Variants in FHIT observed in about 807,000 individuals in gnomAD.
The protein encoded by FHIT is bis(5'-adenosyl)-triphosphatase.
FHIT carries 19 observed loss-of-function variants against 17.9 expected under a neutral mutation model. The ratio of observed to expected loss-of-function variants is 1.06; its 90% confidence interval spans 0.74 to 1.56. The LOEUF (loss-of-function observed/expected upper bound fraction) is 1.56, where lower values mean the gene tolerates loss of function less well. Among genes scored for constraint, FHIT ranks in the 40% most tolerant of loss-of-function variants. The probability of loss-of-function intolerance (pLI) is 0.00; values close to 1 mark genes in which losing one functional copy is unlikely to be tolerated. For synonymous variants in FHIT, 81 were observed against 69.7 expected (o/e 1.16, Z -0.81); for missense variants, 248 against 189.2 (o/e 1.31, Z -1.82).
At chr3:61,157,033 C>T (rs1415487456) in intron 2 of FHIT, among the ~76,000 whole-genome samples, 2 of 152,126 alleles carry the variant, frequency 1.3e-5, no homozygotes. Context: ...TGATTCTTCA[C>T]CTGAATTTTT....
intron 4 of FHIT, among the ~76,000 whole-genome samples, chr3:60,591,289 C>CTACA (rs71287132): frequency 0.14 from 21,214 of 152,036 alleles, 1,871 homozygotes; most frequent in Non-Finnish European, 0.2. Flanking sequence ...TCTCATTAAA[C>CTACA]TACAGCATGA....
At chr3:59,915,976 A>C (rs1408855129) in intron 8 of FHIT, among the ~76,000 whole-genome samples, 3 of 151,956 alleles carry the variant, frequency 2.0e-5, no homozygotes, top group African/African-American at 4.8e-5. Flanking sequence ...ACTAACCTGA[A>C]TCATATATTG....
intron 5 of FHIT, among the ~76,000 whole-genome samples, chr3:60,109,748 C>G (rs1366526195): frequency 6.6e-6 from 1 of 152,146 alleles, no homozygotes; most frequent in Non-Finnish European, 1.5e-5. Context: ...ATGTTCTTAG[C>G]TTTGCCTGCT....
At chr3:60,665,587 G>A (rs1408254065) in intron 4 of FHIT, among the ~76,000 whole-genome samples, 1 of 151,736 alleles carries the variant, frequency 6.6e-6, no homozygotes, top group Non-Finnish European at 1.5e-5. Flanking sequence ...ACTAGTATAA[G>A]CACTCCTGTT....
intron 4 of FHIT, among the ~76,000 whole-genome samples, chr3:60,709,222 T>C (rs1402340246): frequency 2.6e-5 from 4 of 152,202 alleles, no homozygotes; most frequent in African/African-American, 9.6e-5. Flanking sequence ...CATGTAAATA[T>C]ACATATTTTC....
chr3:60,749,484 A>G (rs2042424973), intron 4 of FHIT, among the ~76,000 whole-genome samples: 1 of 152,140 alleles, frequency 6.6e-6, no homozygotes, highest in Non-Finnish European at 1.5e-5. Context: ...CCCTACTGTG[A>G]GAGAAGACAC....
intron 5 of FHIT, among the ~76,000 whole-genome samples, chr3:60,375,613 A>G (rs187198888): frequency 1.1e-3 from 160 of 152,224 alleles, no homozygotes; most frequent in Non-Finnish European, 1.9e-3. Context: ...ATACTACTAT[A>G]CCATTTTAAA....
chr3:60,588,582 G>A (rs2037980783), intron 4 of FHIT, among the ~76,000 whole-genome samples: 1 of 152,034 alleles, frequency 6.6e-6, no homozygotes, highest in South Asian at 2.1e-4. Context: ...CAGACCAACT[G>A]ATTCAGAACC....
At position 59,923,221 on chromosome 3, in the gene FHIT, C is replaced by CAAAAA. The variant is rs532237239; in HGVS notation, c.280-812_280-808dup. On this transcript the variant is annotated intron_variant, in intron 7 of 9. Coordinates refer to ENST00000492590, the MANE Select transcript of FHIT (RefSeq NM_002012.4). ...GCCTGGGCGACAGAGCGAGACTCCT[C>CAAAAA]AAAAAAAAAAAAAAAAAAAAAAAAA... is the stretch of plus-strand genomic sequence containing the variant. Among the ~76,000 whole-genome samples the CAAAAA allele has an allele frequency of 5.6e-4, 38 of 67,484 alleles. 1 individual carries two copies. The highest frequency in any genetic ancestry group is 2.0e-3 in the African/African-American group (31 of 15,754). The allele number at this position is 67,484 out of a possible 152,430, so 44.3% of individuals were successfully genotyped here. A position where few individuals can be genotyped will look rare whatever the true frequency, so the allele number is the denominator to read the frequency against.
chr3:60,451,025 T>G (rs1339997908), intron 5 of FHIT, among the ~76,000 whole-genome samples: 1 of 152,170 alleles, frequency 6.6e-6, no homozygotes, highest in Non-Finnish European at 1.5e-5. Context: ...TAATGAAAAC[T>G]TGTTTTTAGG....
At chr3:60,088,871 C>A (rs1275361718) in intron 5 of FHIT, among the ~76,000 whole-genome samples, 1 of 152,174 alleles carries the variant, frequency 6.6e-6, no homozygotes, top group African/African-American at 2.4e-5. Flanking sequence ...GTGCCTGACA[C>A]ATGGTAGGTA....
intron 2 of FHIT, among the ~76,000 whole-genome samples, chr3:61,192,623 C>T (rs1398397051): frequency 6.6e-6 from 1 of 152,192 alleles, no homozygotes; most frequent in African/African-American, 2.4e-5. Flanking sequence ...CAGCCAAAGG[C>T]ATCTTCGGTG....
At chr3:60,348,043 G>A (rs1710885549) in intron 5 of FHIT, among the ~76,000 whole-genome samples, 1 of 152,022 alleles carries the variant, frequency 6.6e-6, no homozygotes, top group African/African-American at 2.4e-5. Flanking sequence ...ACAGGTGTGA[G>A]CCACCACACC....
intron 8 of FHIT, among the ~76,000 whole-genome samples, chr3:59,870,369 G>T (rs145234224): frequency 3.0e-4 from 46 of 152,274 alleles, no homozygotes; most frequent in African/African-American, 1.1e-3. Flanking sequence ...AAAAGCTCAG[G>T]TAGTCTCATA....
intron 4 of FHIT, among the ~76,000 whole-genome samples, chr3:60,595,365 C>T (rs1553665878): frequency 7.2e-6 from 1 of 137,946 alleles, no homozygotes; most frequent in Admixed American, 7.3e-5. Context: ...CTGAGGACAC[C>T]ATGTTAGTCT....
At chr3:60,641,869 A>T (rs2039732996) in intron 4 of FHIT, among the ~76,000 whole-genome samples, 1 of 152,106 alleles carries the variant, frequency 6.6e-6, no homozygotes, top group Non-Finnish European at 1.5e-5. Context: ...GTTGGGTTAC[A>T]AGGTAAGGAT....
At chr3:60,354,824 C>G (rs935722561) in intron 5 of FHIT, among the ~76,000 whole-genome samples, 1 of 152,038 alleles carries the variant, frequency 6.6e-6, no homozygotes, top group Non-Finnish European at 1.5e-5. Flanking sequence ...TCTTGTTATT[C>G]TTTAGTATTT....
At chr3:60,707,160 G>A (rs1553703770) in intron 4 of FHIT, among the ~76,000 whole-genome samples, 1 of 152,156 alleles carries the variant, frequency 6.6e-6, no homozygotes, top group Admixed American at 6.5e-5. Flanking sequence ...TAGGAAACGA[G>A]TCCCTTTAGT....
intron 5 of FHIT, among the ~76,000 whole-genome samples, chr3:60,137,323 G>C (rs953728413): frequency 1.3e-5 from 2 of 152,156 alleles, no homozygotes; most frequent in African/African-American, 4.8e-5. Flanking sequence ...AGGGGAGGCG[G>C]GGTGAGAGTC....
Sources: gnomAD v4.1 joint callset for allele counts (sites outside exome capture counted in the v4.1 genomes callset) on GRCh38, gnomAD v4.1.1 for gene constraint, MANE v1.5 for transcripts, NCBI Gene and HGNC (gene_info 2026-07-23, HGNC 2026-07-21) for gene names.